The following ZBTB44 variants were observed in gnomAD, a reference collection of about 807,000 sequenced individuals.
The protein encoded by ZBTB44 is zinc finger and BTB domain-containing protein 44.
A neutral mutation model predicts 54.0 loss-of-function variants in ZBTB44; 15 were observed. That is an observed-to-expected ratio of 0.28 (90% CI 0.19 to 0.43). ZBTB44 has a LOEUF of 0.43. Among genes scored for constraint, ZBTB44 ranks in the 20% least tolerant of loss-of-function variants. The probability of loss-of-function intolerance (pLI) is 1.00; values close to 1 mark genes in which losing one functional copy is unlikely to be tolerated. For missense variants in ZBTB44, 487 were observed against 707.1 expected, an observed-to-expected ratio of 0.69 and a Z score of 3.53; for synonymous variants, 230 against 250.1, an observed-to-expected ratio of 0.92 and a Z score of 0.76.
At chr11:130,259,145 T>A (rs1938661297) in intron 2 of ZBTB44, among the ~76,000 whole-genome samples, 1 of 152,206 alleles carries the variant, frequency 6.6e-6, no homozygotes, top group Admixed American at 6.5e-5. Context: ...ATGGCCATAT[T>A]GCCCAAAGTA....
intron 1 of ZBTB44, chr11:130,296,444 C>A: frequency 1.6e-6 from 2 of 1,263,262 alleles, no homozygotes; most frequent in Non-Finnish European, 2.2e-6. Context: ...AATGTACGAC[C>A]ACATTCTTCC....
At chr11:130,291,531 T>C (rs1341752829) in intron 1 of ZBTB44, among the ~76,000 whole-genome samples, 1 of 152,174 alleles carries the variant, frequency 6.6e-6, no homozygotes, top group Non-Finnish European at 1.5e-5. Flanking sequence ...AAAATAAAGA[T>C]TAGAGAAAAT....
intron 1 of ZBTB44, among the ~76,000 whole-genome samples, chr11:130,275,881 C>T (rs916171038): frequency 3.3e-5 from 5 of 151,940 alleles, no homozygotes; most frequent in African/African-American, 4.8e-5. Context: ...CCACCTTGGC[C>T]TCCCAAAGTG....
chr11:130,236,189 G>C (rs539335159), intron 5 of ZBTB44: 1 of 1,286,466 alleles, frequency 7.8e-7, no homozygotes, highest in East Asian at 5.6e-5. Context: ...GGCAGAGCTA[G>C]ATCTAGAAGC....
At chr11:130,296,297 C>CT in intron 1 of ZBTB44, 1 of 1,503,436 alleles carries the variant, frequency 6.7e-7, no homozygotes, top group Non-Finnish European at 9.0e-7. Flanking sequence ...TCCTTCTGCT[C>CT]TTTACATTCC....
chr11:130,244,099 A>C (rs904902539), intron 2 of ZBTB44, among the ~76,000 whole-genome samples: 7 of 151,868 alleles, frequency 4.6e-5, no homozygotes, highest in African/African-American at 1.7e-4. Flanking sequence ...TGATCTACTT[A>C]CCTCCCTGGG....
chr11:130,245,971 A>T (rs1015120207), intron 2 of ZBTB44, among the ~76,000 whole-genome samples: 7 of 152,206 alleles, frequency 4.6e-5, no homozygotes, highest in Admixed American at 2.0e-4. Context: ...AGATCCCCTG[A>T]TTCAATGGAT....
chr11:130,291,135 G>GTT (rs1480781756), intron 1 of ZBTB44, among the ~76,000 whole-genome samples: 34 of 151,106 alleles, frequency 2.3e-4, no homozygotes, highest in African/African-American at 7.8e-4. Flanking sequence ...GAAAGCCTTT[G>GTT]TTGTTTTTTT....
intron 1 of ZBTB44, among the ~76,000 whole-genome samples, chr11:130,277,599 A>G (rs1160738031): frequency 6.6e-6 from 1 of 152,202 alleles, no homozygotes; most frequent in East Asian, 1.9e-4. Flanking sequence ...CATTACATAT[A>G]TGTATATACA....
chr11:130,313,725 A>C (rs1214241064), intron 1 of ZBTB44, among the ~76,000 whole-genome samples: 1 of 152,226 alleles, frequency 6.6e-6, no homozygotes, highest in East Asian at 1.9e-4. Context: ...GTTCCAAAAA[A>C]AAGCACACAA....
intron 2 of ZBTB44, among the ~76,000 whole-genome samples, chr11:130,259,382 G>T (rs1190774221): frequency 6.6e-6 from 1 of 152,220 alleles, no homozygotes; most frequent in East Asian, 1.9e-4. Flanking sequence ...AACCATTGTG[G>T]AAGACAGTGT....
intron 1 of ZBTB44, among the ~76,000 whole-genome samples, chr11:130,280,573 A>G (rs1940429927): frequency 6.6e-6 from 1 of 152,232 alleles, no homozygotes; most frequent in African/African-American, 2.4e-5. Context: ...TAACACCATC[A>G]ACCAACTGGA....
At chr11:130,235,033 G>A (rs1352827929) in intron 5 of ZBTB44, among the ~76,000 whole-genome samples, 3 of 151,954 alleles carry the variant, frequency 2.0e-5, no homozygotes, top group Non-Finnish European at 4.4e-5. Context: ...GCATCTTTTG[G>A]TAATTGAAAC....
At chr11:130,289,518 G>A (rs1170676877) in intron 1 of ZBTB44, among the ~76,000 whole-genome samples, 1 of 151,258 alleles carries the variant, frequency 6.6e-6, no homozygotes, top group African/African-American at 2.4e-5. Flanking sequence ...AAAAGACGGT[G>A]GTCAAGAGAA....
chr11:130,265,977 TA>T (rs1939221016), intron 1 of ZBTB44, among the ~76,000 whole-genome samples: 1 of 152,222 alleles, frequency 6.6e-6, no homozygotes, highest in African/African-American at 2.4e-5. Context: ...GTGGCTACAC[TA>T]AACAGCAGGT....
intron 1 of ZBTB44, among the ~76,000 whole-genome samples, chr11:130,262,751 G>T (rs777103924): frequency 9.2e-5 from 14 of 151,794 alleles, no homozygotes; most frequent in Non-Finnish European, 1.6e-4. Flanking sequence ...AAAAAAAAAA[G>T]ATTTCAAGAT....
At chr11:130,301,885 G>A (rs548036790) in intron 1 of ZBTB44, among the ~76,000 whole-genome samples, 4 of 151,760 alleles carry the variant, frequency 2.6e-5, no homozygotes, top group Admixed American at 2.0e-4. Flanking sequence ...CCCATCTCTA[G>A]TACAAAAATT....
intron 2 of ZBTB44, among the ~76,000 whole-genome samples, chr11:130,241,651 CT>C (rs140952518): frequency 1.7e-4 from 25 of 151,222 alleles, no homozygotes; most frequent in South Asian, 6.3e-4. Flanking sequence ...CATCCCATGG[CT>C]TTTTTTTTCA....
At chr11:130,282,191 T>A (rs1940580821) in intron 1 of ZBTB44, among the ~76,000 whole-genome samples, 1 of 152,270 alleles carries the variant, frequency 6.6e-6, no homozygotes, top group African/African-American at 2.4e-5. Flanking sequence ...ACAGTTTGTA[T>A]GTTCACATTA....
Sources: gnomAD v4.1 joint callset for allele counts (sites outside exome capture counted in the v4.1 genomes callset) on GRCh38, gnomAD v4.1.1 for gene constraint, MANE v1.5 for transcripts, NCBI Gene and HGNC (gene_info 2026-07-23, HGNC 2026-07-21) for gene names.